Variants in MTUS2 observed in about 807,000 individuals in gnomAD.
MTUS2 encodes the protein microtubule associated scaffold protein 2.
In MTUS2, 40 loss-of-function variants were observed where a neutral mutation model predicts 114.1. That is an observed-to-expected ratio of 0.35 (90% confidence interval 0.27 to 0.46). The LOEUF is 0.46. MTUS2 is among the 20% of genes least tolerant of loss of function. MTUS2 has a pLI of 1.00. For synonymous variants in MTUS2, 688 were observed against 672.0 expected (o/e 1.02, Z -0.37); for missense variants, 1,679 against 1,705.4 (o/e 0.98, Z 0.27).
intron 2 of MTUS2, among the ~76,000 whole-genome samples, chr13:28,857,232 A>G (rs944441540): frequency 1.3e-5 from 2 of 152,242 alleles, no homozygotes; most frequent in East Asian, 1.9e-4. Context: ...ATTTATGAAG[A>G]TGATAGATCT....
At chr13:29,481,136 C>A (rs946064791) in intron 10 of MTUS2, among the ~76,000 whole-genome samples, 5 of 152,212 alleles carry the variant, frequency 3.3e-5, no homozygotes, top group African/African-American at 4.8e-5. Flanking sequence ...GAGTACCACA[C>A]AATATCCATT....
At chr13:29,318,640 A>C (rs993581114) in intron 6 of MTUS2, among the ~76,000 whole-genome samples, 1 of 152,162 alleles carries the variant, frequency 6.6e-6, no homozygotes, top group Non-Finnish European at 1.5e-5. Flanking sequence ...ATTTGTAATA[A>C]ACAAGTTGTA....
chr13:29,371,599 ATTATT>A (rs937938445), intron 8 of MTUS2, among the ~76,000 whole-genome samples: 7 of 152,306 alleles, frequency 4.6e-5, no homozygotes, highest in African/African-American at 1.7e-4. Context: ...ATAATATTTT[ATTATT>A]TTATTCATAA....
chr13:29,098,332 T>A (rs1009983600), intron 4 of MTUS2, among the ~76,000 whole-genome samples: 3 of 152,222 alleles, frequency 2.0e-5, no homozygotes, highest in African/African-American at 4.8e-5. Flanking sequence ...GAGCTTAATC[T>A]GCTAGAAGGA....
intron 2 of MTUS2, among the ~76,000 whole-genome samples, chr13:28,894,952 C>A (rs1419724355): frequency 6.6e-6 from 1 of 152,150 alleles, no homozygotes; most frequent in Non-Finnish European, 1.5e-5. Context: ...TTGGGGACCA[C>A]AGTAGCAATA....
intron 5 of MTUS2, among the ~76,000 whole-genome samples, chr13:29,210,801 A>C (rs766515267): frequency 7.2e-5 from 11 of 152,286 alleles, no homozygotes; most frequent in Non-Finnish European, 1.5e-4. Context: ...GTCAGCCGTG[A>C]GTACGAGCAC....
chr13:29,054,209 C>T (rs1888026051), intron 4 of MTUS2, among the ~76,000 whole-genome samples: 1 of 152,050 alleles, frequency 6.6e-6, no homozygotes, highest in South Asian at 2.1e-4. Context: ...ATTCATATAT[C>T]TTCTTTGGTG....
chr13:29,265,363 C>G (rs944836473), intron 5 of MTUS2, among the ~76,000 whole-genome samples: 1 of 152,220 alleles, frequency 6.6e-6, no homozygotes, highest in African/African-American at 2.4e-5. Flanking sequence ...TTTCAACGGT[C>G]TCTAAGAAAT....
At chr13:28,939,711 T>C (rs1475699274) in intron 2 of MTUS2, among the ~76,000 whole-genome samples, 1 of 151,934 alleles carries the variant, frequency 6.6e-6, no homozygotes, top group Non-Finnish European at 1.5e-5. Context: ...GTTCACCTGC[T>C]GAAAAAACTA....
chr13:29,044,228 AT>A (rs56704576), intron 4 of MTUS2, among the ~76,000 whole-genome samples: 2 of 151,554 alleles, frequency 1.3e-5, no homozygotes, highest in African/African-American at 2.4e-5. Flanking sequence ...CCAAGCTGGC[AT>A]TTTTTTTCTT....
intron 8 of MTUS2, among the ~76,000 whole-genome samples, chr13:29,408,810 A>G (rs1052922600): frequency 2.6e-5 from 4 of 152,006 alleles, no homozygotes; most frequent in African/African-American, 7.3e-5. Context: ...GTCTACTTGT[A>G]TATATACTAA....
At chr13:29,093,317 C>A (rs1416064309) in intron 4 of MTUS2, among the ~76,000 whole-genome samples, 4 of 152,056 alleles carry the variant, frequency 2.6e-5, no homozygotes, top group Non-Finnish European at 5.9e-5. Context: ...GTGGTGCATG[C>A]CTGTAATCCC....
intron 8 of MTUS2, among the ~76,000 whole-genome samples, chr13:29,384,271 C>G (rs1872480720): frequency 6.6e-6 from 1 of 152,200 alleles, no homozygotes; most frequent in African/African-American, 2.4e-5. Context: ...CAGGGGAAAT[C>G]CCGTGTCCAT....
At position 29,469,605 on chromosome 13, in the gene MTUS2, C is replaced by T. The variant is rs574546107; in HGVS notation, c.3185-10545C>T. Among the ~76,000 whole-genome samples, 414 of 141,490 alleles carry T rather than the reference C, an allele frequency of 2.9e-3. 3 individuals are homozygous for T. Among genetic ancestry groups the T allele is most frequent in the African/African-American group, 0.011 (396 of 37,480 alleles). 92.8% of individuals were successfully genotyped at this position (141,490 alleles called of 152,430 possible). Reference sequence around the variant, plus strand: ...TCGCGCCACTGCACTCCAGCCTGGGCAACAGAGCAAGACTATGTCTCAAAA... The same window carrying T: ...TCGCGCCACTGCACTCCAGCCTGGGTAACAGAGCAAGACTATGTCTCAAAA... On this transcript the variant is annotated intron_variant, in intron 9 of 15. Transcript: ENST00000612955.
chr13:29,290,926 GCA>G (rs1898685831), intron 6 of MTUS2, among the ~76,000 whole-genome samples: 1 of 152,166 alleles, frequency 6.6e-6, no homozygotes, highest in South Asian at 2.1e-4. Flanking sequence ...AATGAAAGTT[GCA>G]ATTCCCCTAG....
chr13:29,469,273 C>A (rs539704178), intron 9 of MTUS2, among the ~76,000 whole-genome samples: 1 of 152,164 alleles, frequency 6.6e-6, no homozygotes, highest in Non-Finnish European at 1.5e-5. Flanking sequence ...CCACCCACCC[C>A]TTCTAATCTC....
At chr13:29,317,708 G>A (rs1363963252) in intron 6 of MTUS2, among the ~76,000 whole-genome samples, 1 of 11,366 alleles carries the variant, frequency 8.8e-5, no homozygotes, top group Non-Finnish European at 2.6e-4. Context: ...AAAGTGCTGG[G>A]ATTACAGGCG....
chr13:29,432,620 C>A (rs1877091467), intron 8 of MTUS2, among the ~76,000 whole-genome samples: 1 of 152,174 alleles, frequency 6.6e-6, no homozygotes, highest in South Asian at 2.1e-4. Context: ...CTGGGCTCAT[C>A]TCCCATATCC....
At chr13:29,335,335 G>A (rs191273519) in intron 7 of MTUS2, among the ~76,000 whole-genome samples, 102 of 152,120 alleles carry the variant, frequency 6.7e-4, no homozygotes, top group African/African-American at 2.0e-3. Flanking sequence ...TGGTCAGACC[G>A]GTTGTCTGCT....
Sources: gnomAD v4.1 joint callset for allele counts (sites outside exome capture counted in the v4.1 genomes callset) on GRCh38, gnomAD v4.1.1 for gene constraint, MANE v1.5 for transcripts, NCBI Gene and HGNC (gene_info 2026-07-23, HGNC 2026-07-21) for gene names.